TUBA1A: variants seen among roughly 807,000 people sequenced by gnomAD.
TUBA1A encodes tubulin alpha-1A chain.
Under a neutral mutation model 34.6 loss-of-function variants are expected in TUBA1A, and 7 were observed. The observed-to-expected ratio is 0.20, with a 90% confidence interval of 0.11 to 0.38. The LOEUF is 0.38. Ranked by LOEUF, TUBA1A falls within the 10% of genes least tolerant of loss-of-function variation. TUBA1A has a pLI of 1.00. For missense variants in TUBA1A, 19 were observed against 581.3 expected, an observed-to-expected ratio of 0.03 and a Z score of 9.95; for synonymous variants, 193 against 210.2, an observed-to-expected ratio of 0.92 and a Z score of 0.71.
In TUBA1A at chr12:49,186,927, G is replaced by T; in HGVS notation, c.4-94C>A. The T allele has an allele frequency of 6.5e-7, 1 of 1,541,966 alleles. No homozygotes were observed. ...TCAAAAATATTTCTAATAATATACAGATATTTTTCTAAATTATTTGAGGTC... is the reference window on the plus strand; with the variant it reads ...TCAAAAATATTTCTAATAATATACATATATTTTTCTAAATTATTTGAGGTC... On this transcript the variant is annotated intron_variant, in intron 1 of 3. Coordinates refer to ENST00000301071, the MANE Select transcript of TUBA1A (RefSeq NM_006009.4). This position sits in a 1 kb window ranked among gnomAD's most constrained non-coding sequence, Gnocchi z 6.6.
rs1362763275 is a variant in TUBA1A, at chr12:49,188,844, C to G, written c.3+133G>C. On this transcript the variant is annotated intron_variant, in intron 1 of 3. Transcript: ENST00000301071. The surrounding 1 kb of genome is among the most constrained non-coding windows in gnomAD (Gnocchi z 4.9). ...CGGGGCTTGAGGATTTGGGGCTAAG[C>G]TAAACCTCACAAAACATACCACCAC... 14 of 1,607,502 alleles carry G rather than the reference C, an allele frequency of 8.7e-6. No individual in the cohort carries two copies. The highest frequency in any genetic ancestry group is 1.2e-5 in the Non-Finnish European group (14 of 1,179,766).
Position 49,188,747 on chromosome 12 carries a change from T to C in TUBA1A, c.3+230A>G. The C allele has an allele frequency of 6.8e-7, 1 of 1,477,186 alleles. No homozygotes were observed. Among genetic ancestry groups the C allele is most frequent in the Non-Finnish European group, 8.9e-7 (1 of 1,125,052 alleles). The allele number at this position is 1,477,186 out of a possible 1,614,324, so 91.5% of individuals were successfully genotyped here. A position where few individuals can be genotyped will look rare whatever the true frequency, so the allele number is the denominator to read the frequency against. On this transcript the variant is annotated intron_variant, in intron 1 of 3. Coordinates refer to ENST00000301071, the MANE Select transcript of TUBA1A (RefSeq NM_006009.4). The surrounding 1 kb of genome is among the most constrained non-coding windows in gnomAD (Gnocchi z 4.9). ...CACAGGCGCCTAGGCGCCGCCTTTG[T>C]TCCTCCCCAGCGCTCTGCTGCGCCC... is the stretch of plus-strand genomic sequence containing the variant.
chr12:49,187,818 A>G (rs138797713), intron 1 of TUBA1A: 1 of 976,856 alleles, frequency 1.0e-6, no homozygotes, highest in East Asian at 1.2e-4. Flanking sequence ...ATCACATAAT[A>G]TTCATATTCT....
In TUBA1A at chr12:49,188,620, C is replaced by T; in HGVS notation, c.3+357G>A. 1 of 1,441,858 alleles carries T rather than the reference C, an allele frequency of 6.9e-7. No individual in the cohort carries two copies. Among genetic ancestry groups the T allele is most frequent in the South Asian group, 1.5e-5 (1 of 68,534 alleles). 89.3% of individuals were successfully genotyped at this position (1,441,858 alleles called of 1,614,324 possible). The stretch of plus-strand genomic sequence containing the variant: ...GAGACAGAAAGTGGCCCCTCAGCAT[C>T]AGCGAAACCGTGCGCACAGACACGG... On this transcript the variant is annotated intron_variant, in intron 1 of 3. Transcript: ENST00000301071. The surrounding 1 kb of genome is among the most constrained non-coding windows in gnomAD (Gnocchi z 4.9).
intron 1 of TUBA1A, chr12:49,187,079 A>G (rs1942190720): frequency 7.2e-7 from 1 of 1,387,906 alleles, no homozygotes; most frequent in South Asian, 1.7e-5. Flanking sequence ...TGTGCCTACT[A>G]CCATGCTTGA....
Position 49,188,820 on chromosome 12 carries a change from G to C in TUBA1A, c.3+157C>G. ...CCTGCACCCGCACTGCGGCGGCGGC[G>C]GGGCTTGAGGATTTGGGGCTAAGCT... On this transcript the variant is annotated intron_variant, in intron 1 of 3. Transcript: ENST00000301071. The surrounding 1 kb of genome is among the most constrained non-coding windows in gnomAD (Gnocchi z 4.9). 1 of 1,599,574 alleles carries C rather than the reference G, an allele frequency of 6.3e-7. No homozygotes were observed. The highest frequency in any genetic ancestry group is 8.5e-7 in the Non-Finnish European group (1 of 1,178,196).
chr12:49,188,741 C>A lies in TUBA1A; in HGVS notation c.3+236G>T. ...GGATAACACAGGCGCCTAGGCGCCG[C>A]CTTTGTTCCTCCCCAGCGCTCTGCT... is the stretch of plus-strand genomic sequence containing the variant. On this transcript the variant is annotated intron_variant, in intron 1 of 3. Transcript: ENST00000301071. This position sits in a 1 kb window ranked among gnomAD's most constrained non-coding sequence, Gnocchi z 4.9. 1 of 1,468,564 alleles carries A rather than the reference C, an allele frequency of 6.8e-7. No individual in the cohort carries two copies. Among genetic ancestry groups the A allele is most frequent in the Admixed American group, 2.7e-5 (1 of 36,364 alleles). The allele number at this position is 1,468,564 out of a possible 1,614,324, so 91.0% of individuals were successfully genotyped here. A position where few individuals can be genotyped will look rare whatever the true frequency, so the allele number is the denominator to read the frequency against.
chr12:49,189,013 G>C lies in TUBA1A; in HGVS notation c.-34C>G. 6.2e-7 allele frequency: 1 copy of C among 1,614,132 alleles called. No individual in the cohort carries two copies. The highest frequency in any genetic ancestry group is 1.1e-5 in the South Asian group (1 of 91,090). On this transcript the variant is annotated 5_prime_UTR_variant, in exon 1 of 4. Coordinates refer to ENST00000301071, the MANE Select transcript of TUBA1A (RefSeq NM_006009.4). ...CTTCGCGACTGCCGAGCTGATGGCGGAGACGAAGAGGAGAGGTTGTTGCTT... is the reference window on the plus strand; with the variant it reads ...CTTCGCGACTGCCGAGCTGATGGCGCAGACGAAGAGGAGAGGTTGTTGCTT...
chr12:49,188,068 C>T lies in TUBA1A; in HGVS notation c.3+909G>A. The T allele has an allele frequency of 1.1e-6, 1 of 912,494 alleles. No homozygotes were observed. Among genetic ancestry groups the T allele is most frequent in the South Asian group, 5.3e-5 (1 of 19,030 alleles). The allele number at this position is 912,494 out of a possible 1,614,324, so 56.5% of individuals were successfully genotyped here. ...CACACTTCAGTCGGTCAGGGCAGGGCGTCCCACAGACACACACACACACAC... is the reference window on the plus strand; with the variant it reads ...CACACTTCAGTCGGTCAGGGCAGGGTGTCCCACAGACACACACACACACAC... On this transcript the variant is annotated intron_variant, in intron 1 of 3. Transcript: ENST00000301071. This position sits in a 1 kb window ranked among gnomAD's most constrained non-coding sequence, Gnocchi z 4.9.
At position 49,188,143 on chromosome 12, in the gene TUBA1A, A is replaced by G. The variant is rs896621188; in HGVS notation, c.3+834T>C. The G allele has an allele frequency of 3.0e-6, 3 of 984,458 alleles. No individual in the cohort carries two copies. In the East Asian group the frequency reaches 3.4e-4, roughly 112 times the overall value. The allele number at this position is 984,458 out of a possible 1,614,324, so 61.0% of individuals were successfully genotyped here. ...GTCGGTCAGGGCAGGGCGTCCCCAGACCAGACATTAAAGAGCTTGTGAAGT... is the reference window on the plus strand; with the variant it reads ...GTCGGTCAGGGCAGGGCGTCCCCAGGCCAGACATTAAAGAGCTTGTGAAGT... On this transcript the variant is annotated intron_variant, in intron 1 of 3. Transcript: ENST00000301071. This position sits in a 1 kb window ranked among gnomAD's most constrained non-coding sequence, Gnocchi z 4.9.
chr12:49,188,612 C>G lies in TUBA1A; in HGVS notation c.3+365G>C. The G allele has an allele frequency of 1.4e-6, 2 of 1,444,548 alleles. No homozygotes were observed. The highest frequency in any genetic ancestry group is 1.4e-5 in the African/African-American group (1 of 70,306). 89.5% of individuals were successfully genotyped at this position (1,444,548 alleles called of 1,614,324 possible). A position where few individuals can be genotyped will look rare whatever the true frequency, so the allele number is the denominator to read the frequency against. ...AACAACGCGAGACAGAAAGTGGCCC[C>G]TCAGCATCAGCGAAACCGTGCGCAC... On this transcript the variant is annotated intron_variant, in intron 1 of 3. Coordinates refer to ENST00000301071, the MANE Select transcript of TUBA1A (RefSeq NM_006009.4). This position sits in a 1 kb window ranked among gnomAD's most constrained non-coding sequence, Gnocchi z 4.9.
At chr12:49,187,667 A>AACACAC in intron 1 of TUBA1A, 6 of 983,422 alleles carry the variant, frequency 6.1e-6, no homozygotes, top group Non-Finnish European at 7.2e-6. Flanking sequence ...TCCGTATCTT[A>AACACAC]ACACACACAC....
rs371718931 is a variant in TUBA1A, at chr12:49,185,001, G to A, written c.*9C>T. ...CCTGTAAAAGCAGCACCTTTGTGACGTTTTAACTTTAGTATTCCTCTCCTT... is the reference window on the plus strand; with the variant it reads ...CCTGTAAAAGCAGCACCTTTGTGACATTTTAACTTTAGTATTCCTCTCCTT... On this transcript the variant is annotated 3_prime_UTR_variant, in exon 4 of 4. Transcript: ENST00000301071. The A allele has an allele frequency of 1.3e-5, 21 of 1,613,900 alleles. No individual in the cohort carries two copies. Among genetic ancestry groups the A allele is most frequent in the South Asian group, 6.6e-5 (6 of 91,086 alleles).
chr12:49,184,810 G>A lies in TUBA1A; in HGVS notation c.*200C>T. 1 of 816,236 alleles carries A rather than the reference G, an allele frequency of 1.2e-6. No homozygotes were observed. The highest frequency in any genetic ancestry group is 1.9e-6 in the Non-Finnish European group (1 of 515,652). The allele number at this position is 816,236 out of a possible 1,614,324, so 50.6% of individuals were successfully genotyped here. ...CAGGACTGAATTCATTTAAGACAGG[G>A]AATACTTTATTCAAAACCCATCACA... On this transcript the variant is annotated 3_prime_UTR_variant, in exon 4 of 4. Transcript: ENST00000301071.
Position 49,188,139 on chromosome 12 carries a change from C to T in TUBA1A, c.3+838G>A, listed in dbSNP as rs1942205723. The T allele has an allele frequency of 9.1e-6, 9 of 984,054 alleles. No individual in the cohort carries two copies. Among genetic ancestry groups the T allele is most frequent in the Middle Eastern group, 5.2e-4 (1 of 1,934 alleles). 61.0% of individuals were successfully genotyped at this position (984,054 alleles called of 1,614,324 possible). A position where few individuals can be genotyped will look rare whatever the true frequency, so the allele number is the denominator to read the frequency against. Reference sequence around the variant, plus strand: ...TTCAGTCGGTCAGGGCAGGGCGTCCCCAGACCAGACATTAAAGAGCTTGTG... The same window carrying T: ...TTCAGTCGGTCAGGGCAGGGCGTCCTCAGACCAGACATTAAAGAGCTTGTG... On this transcript the variant is annotated intron_variant, in intron 1 of 3. Transcript: ENST00000301071. The surrounding 1 kb of genome is among the most constrained non-coding windows in gnomAD (Gnocchi z 4.9).
At position 49,185,373 on chromosome 12, in the gene TUBA1A, G is replaced by C. The variant is rs769212646; in HGVS notation, c.993C>G (p.Ala331=). The stretch of plus-strand genomic sequence containing the variant: ...TACGCTTGGTCTTGATGGTGGCAAT[G>C]GCAGCATTGACATCTTTGGGAACCA... ...GDVVPKDVNA[A]IATIKTKRTI... The change falls in exon 4 of 4, where the codon GCC becomes GCG. Residue 331 remains alanine, a synonymous_variant. Transcript: ENST00000301071. The C allele has an allele frequency of 1.2e-6, 2 of 1,614,192 alleles. No homozygotes were observed. The highest frequency in any genetic ancestry group is 2.2e-5 in the South Asian group (2 of 91,088).
rs1404012628 is a variant in TUBA1A, at chr12:49,186,217, T to C, written c.375+93A>G. On this transcript the variant is annotated intron_variant, in intron 3 of 3. Transcript: ENST00000301071. The surrounding 1 kb of genome is among the most constrained non-coding windows in gnomAD (Gnocchi z 6.6). The stretch of plus-strand genomic sequence containing the variant: ...TGACTCATTCCACTCTTTATTAAAA[T>C]AACAGTTCAATTCTGTGTTTGAAAA... 3.1e-6 allele frequency: 5 copies of C among 1,610,166 alleles called. No individual in the cohort carries two copies. The highest frequency in any genetic ancestry group is 3.3e-5 in the Admixed American group (2 of 59,856).
In TUBA1A at chr12:49,186,234, G is replaced by A; in HGVS notation, c.375+76C>T. 1 of 1,610,760 alleles carries A rather than the reference G, an allele frequency of 6.2e-7. No individual in the cohort carries two copies. The highest frequency in any genetic ancestry group is 1.3e-5 in the African/African-American group (1 of 74,658). ...TATTAAAATAACAGTTCAATTCTGT[G>A]TTTGAAAAAAAAAGCATTATTTCAA... On this transcript the variant is annotated intron_variant, in intron 3 of 3. Transcript: ENST00000301071. This position sits in a 1 kb window ranked among gnomAD's most constrained non-coding sequence, Gnocchi z 6.6.
rs757016133 is a variant in TUBA1A at position 49,188,956 on chromosome 12, A to G, written c.3+21T>C. 1 of 1,614,228 alleles carries G rather than the reference A, an allele frequency of 6.2e-7. No homozygotes were observed. The highest frequency in any genetic ancestry group is 1.7e-5 in the Admixed American group (1 of 60,026). On this transcript the variant is annotated intron_variant, in intron 1 of 3. Transcript: ENST00000301071. The surrounding 1 kb of genome is among the most constrained non-coding windows in gnomAD (Gnocchi z 4.9). ...CGCTGACTCCACCCAACGGCCACAA[A>G]GAGCCGAAGCCGATTCTCACCATGG... is the stretch of plus-strand genomic sequence containing the variant.
Sources: gnomAD v4.1 joint callset for allele counts on GRCh38, gnomAD v4.1.1 for gene constraint, Gnocchi (gnomAD v3.1) non-coding constraint, MANE v1.5 for transcripts, NCBI Gene and HGNC (gene_info 2026-07-23, HGNC 2026-07-21) for gene names.